Variants in KAZN observed in about 807,000 individuals in gnomAD.
The protein encoded by KAZN is kazrin.
KAZN carries 40 observed loss-of-function variants against 87.4 expected under a neutral mutation model. That is an observed-to-expected ratio of 0.46 (90% CI 0.36 to 0.60). The LOEUF is 0.60. KAZN is among the 20% of genes least tolerant of loss of function. The pLI is 0.00. For missense variants in KAZN, 898 were observed against 1,073.9 expected (o/e 0.84, Z 2.29); for synonymous variants, 466 against 458.3 (o/e 1.02, Z -0.22).
chr1:14,043,535 A>G (rs115098434), intron 1 of KAZN, among the ~76,000 whole-genome samples: 200 of 152,120 alleles, frequency 1.3e-3, no homozygotes, highest in African/African-American at 4.7e-3. Context: ...CATAGAGGCT[A>G]TACTATCTTA....
chr1:15,005,427 G>C (rs1668902033), intron 2 of KAZN, among the ~76,000 whole-genome samples: 1 of 152,062 alleles, frequency 6.6e-6, no homozygotes, highest in Admixed American at 6.6e-5. Flanking sequence ...CTGGGCTCCA[G>C]GTTAGCCAGA....
chr1:14,287,268 T>G lies in KAZN; in HGVS notation c.249+106676T>G, dbSNP rs80242738. 3.2e-3 allele frequency among the ~76,000 whole-genome samples: 485 copies of G among 152,282 alleles called. 4 individuals are homozygous for G. Among genetic ancestry groups the G allele is most frequent in the African/African-American group, 0.011 (460 of 41,564 alleles). On this transcript the variant is annotated intron_variant, in intron 2 of 16. Coordinates refer to the KAZN transcript ENST00000636203. ...TGCCTTTTCTGATTCCCTTCCCACTTGTCTTTCTCTGCACTCATCTATTTT... is the reference window on the plus strand; with the variant it reads ...TGCCTTTTCTGATTCCCTTCCCACTGGTCTTTCTCTGCACTCATCTATTTT...
chr1:14,688,945 G>A (rs1641121991), intron 1 of KAZN, among the ~76,000 whole-genome samples: 1 of 152,152 alleles, frequency 6.6e-6, no homozygotes, highest in African/African-American at 2.4e-5. Context: ...TGTAATCCTA[G>A]CACTTTGGGA....
intron 1 of KAZN, among the ~76,000 whole-genome samples, chr1:14,757,963 G>A (rs1332708295): frequency 6.6e-6 from 1 of 152,194 alleles, no homozygotes; most frequent in South Asian, 2.1e-4. Flanking sequence ...TGCATTGACT[G>A]GGATGTGTGG....
chr1:14,669,585 A>G (rs1639792030), intron 1 of KAZN, among the ~76,000 whole-genome samples: 1 of 152,136 alleles, frequency 6.6e-6, no homozygotes. Flanking sequence ...CTCTACACAA[A>G]AATGTTTAAA....
intron 2 of KAZN, among the ~76,000 whole-genome samples, chr1:14,458,592 G>A (rs1667692866): frequency 1.3e-5 from 2 of 152,310 alleles, no homozygotes; most frequent in South Asian, 2.1e-4. Context: ...AGGCTCTTGA[G>A]GAGAGTCTGC....
chr1:14,183,887 A>G (rs1646250643), intron 2 of KAZN, among the ~76,000 whole-genome samples: 1 of 149,716 alleles, frequency 6.7e-6, no homozygotes, highest in African/African-American at 2.5e-5. Context: ...TGGCTGAGGG[A>G]GAGTCTGTGC....
At chr1:14,839,751 C>A (rs144043179) in intron 1 of KAZN, among the ~76,000 whole-genome samples, 1 of 152,170 alleles carries the variant, frequency 6.6e-6, no homozygotes, top group African/African-American at 2.4e-5. Flanking sequence ...CTCACCCTGA[C>A]GTCCTTGATG....
chr1:14,999,500 CT>C (rs201944364), intron 2 of KAZN, among the ~76,000 whole-genome samples: 4,925 of 146,798 alleles, frequency 0.034, 422 homozygotes, highest in African/African-American at 0.12. Flanking sequence ...GCCTGCCCCC[CT>C]CCCCCCGCCC....
chr1:14,332,564 T>C (rs1270145505), intron 2 of KAZN, among the ~76,000 whole-genome samples: 3 of 152,210 alleles, frequency 2.0e-5, no homozygotes, highest in Admixed American at 2.0e-4. Context: ...TGTTTTATTT[T>C]TTTGTGCTCT....
At chr1:14,366,613 C>A (rs1660020069) in intron 2 of KAZN, among the ~76,000 whole-genome samples, 1 of 152,180 alleles carries the variant, frequency 6.6e-6, no homozygotes, top group Non-Finnish European at 1.5e-5. Context: ...GGTGCAGGAG[C>A]CGTGGGCGAG....
rs1332664228 is a variant in KAZN at position 15,101,586 on chromosome 1, G to A, written c.1591G>A (p.Ala531Thr). ...GCTGGACCATCACTGGGTGGCCAAGGCCTGGCTGAATGACATTGGCCTGTC... is the reference window on the plus strand; with the variant it reads ...GCTGGACCATCACTGGGTGGCCAAGACCTGGCTGAATGACATTGGCCTGTC... Reference protein sequence around the residue: ...AELDHHWVAKAWLNDIGLSQY... With the variant: ...AELDHHWVAKTWLNDIGLSQY... Residue 531 changes from alanine (A) to threonine (T), a missense_variant, in exon 11 of 15, where the codon GCC becomes ACC. By Grantham distance (58) the Ala-to-Thr change is moderately conservative. Coordinates refer to ENST00000376030, the MANE Select transcript of KAZN (RefSeq NM_201628.3). 8.4e-6 allele frequency: 13 copies of A among 1,553,526 alleles called. No individual in the cohort carries two copies. The East Asian group carries it at 2.9e-4, about 35-fold the overall frequency.
At position 14,803,782 on chromosome 1, in the gene KAZN, C is replaced by T. The variant is rs143046187; in HGVS notation, c.227-156902C>T. On this transcript the variant is annotated intron_variant, in intron 1 of 14. Coordinates refer to ENST00000376030, the MANE Select transcript of KAZN (RefSeq NM_201628.3). ...CCCTTCTCCACGGAGGGCTGGCACT[C>T]CACATTGGCGCTCTGGAGCCACTGG... Among the ~76,000 whole-genome samples, 44 of 152,364 alleles carry T rather than the reference C, an allele frequency of 2.9e-4. 1 individual carries two copies. In the East Asian group the frequency reaches 8.5e-3, roughly 29 times the overall value.
Position 14,617,003 on chromosome 1 carries a change from C to A in KAZN, c.226+17780C>A, listed in dbSNP as rs1280297371. Among the ~76,000 whole-genome samples the A allele has an allele frequency of 3.3e-5, 5 of 152,174 alleles. No homozygotes were observed. The East Asian group carries it at 9.6e-4, about 29-fold the overall frequency. ...ATTCAGTGAGTGTCATGAGCCACTT[C>A]CATTGTTGTTTCTATTTAGTCTCTC... On this transcript the variant is annotated intron_variant, in intron 1 of 14. Coordinates refer to ENST00000376030, the MANE Select transcript of KAZN (RefSeq NM_201628.3).
At chr1:14,651,087 T>TA (rs1638336503) in intron 1 of KAZN, among the ~76,000 whole-genome samples, 1 of 152,232 alleles carries the variant, frequency 6.6e-6, no homozygotes, top group African/African-American at 2.4e-5. Flanking sequence ...ATCATTAAGA[T>TA]AAAATCGTTT....
intron 2 of KAZN, among the ~76,000 whole-genome samples, chr1:14,314,910 A>G (rs1360694269): frequency 6.6e-6 from 1 of 152,090 alleles, no homozygotes; most frequent in Non-Finnish European, 1.5e-5. Flanking sequence ...GGTGTTTTAT[A>G]TAAGTGGAAT....
intron 2 of KAZN, among the ~76,000 whole-genome samples, chr1:14,524,293 A>G (rs906147193): frequency 5.3e-5 from 8 of 152,046 alleles, no homozygotes; most frequent in African/African-American, 1.7e-4. Flanking sequence ...AAGTGCTGAG[A>G]TTATAGGCAT....
At chr1:14,943,361 C>G (rs568739908) in intron 1 of KAZN, among the ~76,000 whole-genome samples, 2 of 152,028 alleles carry the variant, frequency 1.3e-5, no homozygotes, top group Admixed American at 6.6e-5. Flanking sequence ...AGTCACCCCC[C>G]GCCAGCTGCT....
intron 2 of KAZN, among the ~76,000 whole-genome samples, chr1:14,993,397 A>G (rs930786391): frequency 2.4e-4 from 37 of 151,860 alleles, no homozygotes; most frequent in Non-Finnish European, 4.7e-4. Context: ...TGAACCTGGG[A>G]GATGGAGGTT....
Sources: gnomAD v4.1 joint callset for allele counts (sites outside exome capture counted in the v4.1 genomes callset) on GRCh38, gnomAD v4.1.1 for gene constraint, MANE v1.5 for transcripts, NCBI Gene and HGNC (gene_info 2026-07-23, HGNC 2026-07-21) for gene names.